XPNPEP1: variants seen among roughly 807,000 people sequenced by gnomAD.
The protein encoded by XPNPEP1 is xaa-Pro aminopeptidase 1.
A neutral mutation model predicts 92.4 loss-of-function variants in XPNPEP1; 39 were observed. The ratio of observed to expected loss-of-function variants is 0.42; its 90% CI spans 0.33 to 0.55. The LOEUF is 0.55. Among genes scored for constraint, XPNPEP1 ranks in the 20% least tolerant of loss-of-function variants. The probability of loss-of-function intolerance (pLI) is 0.08; values close to 1 mark genes in which losing one functional copy is unlikely to be tolerated. For synonymous variants in XPNPEP1, 307 were observed against 299.4 expected, an observed-to-expected ratio of 1.03 and a Z score of -0.26; for missense variants, 654 against 856.1, an observed-to-expected ratio of 0.76 and a Z score of 2.95.
Position 109,865,235 on chromosome 10 carries a change from T to G in XPNPEP1, c.1950A>C (p.Glu650Asp), listed in dbSNP as rs773834553. 2.0e-5 allele frequency: 33 copies of G among 1,614,094 alleles called. No homozygotes were observed. The highest frequency in any genetic ancestry group is 2.7e-5 in the Non-Finnish European group (32 of 1,180,038). ...TCTCTCTGATGAGCCACTCGAGAGC[T>G]TCCTGGCGGCCCTGTTTCTGCAATT... ...GKELQKQGRQEALEWLIRETQ... is the reference protein window; with the variant it reads ...GKELQKQGRQDALEWLIRETQ... Residue 650 changes from glutamate (E) to aspartate (D), a missense_variant, in exon 21 of 21, where the codon GAA (glutamate) becomes GAC (aspartate). Glu to Asp is a conservative substitution (Grantham distance 45, BLOSUM62 2). Transcript: ENST00000502935.
At chr10:109,889,617 TTAATC>T (rs1340385698) in intron 5 of XPNPEP1, among the ~76,000 whole-genome samples, 1 of 152,264 alleles carries the variant, frequency 6.6e-6, no homozygotes, top group Non-Finnish European at 1.5e-5. Flanking sequence ...CAGTTTTCCT[TTAATC>T]TAAGCCAACA....
At chr10:109,880,986 C>A in intron 10 of XPNPEP1, 55 bp from the exon 11 acceptor site, 1 of 1,532,612 alleles carries the variant, frequency 6.5e-7, no homozygotes, top group Non-Finnish European at 9.0e-7. Flanking sequence ...CCACCCAAGA[C>A]CAAGGCAACA....
intron 15 of XPNPEP1, among the ~76,000 whole-genome samples, chr10:109,875,290 T>G (rs1054896894): frequency 6.6e-6 from 1 of 152,230 alleles, no homozygotes; most frequent in Non-Finnish European, 1.5e-5. Context: ...CTTATATTTT[T>G]AAAACTTCCA....
At chr10:109,908,827 T>C (rs1487079514) in intron 2 of XPNPEP1, among the ~76,000 whole-genome samples, 1 of 152,228 alleles carries the variant, frequency 6.6e-6, no homozygotes, top group Non-Finnish European at 1.5e-5. Flanking sequence ...TTATAAACCT[T>C]TTGTTAAATA....
rs12260979 is a variant in XPNPEP1 at position 109,877,984 on chromosome 10, C to A, written c.1241+16G>T. On this transcript the variant is annotated intron_variant, in intron 13 of 20. Coordinates refer to ENST00000502935, the MANE Select transcript of XPNPEP1 (RefSeq NM_020383.4). ...ATCAGCACGAGGCTCCTGGGTCCCC[C>A]CAAATGGATCCTTACCTGCGAAACT... 1.2e-6 allele frequency: 2 copies of A among 1,614,184 alleles called. No homozygotes were observed. The highest frequency in any genetic ancestry group is 1.7e-5 in the Admixed American group (1 of 60,032).
In XPNPEP1 at chr10:109,868,630, G is replaced by T; in HGVS notation, c.1856C>A (p.Ser619Tyr). 1 of 1,613,790 alleles carries T rather than the reference G, an allele frequency of 6.2e-7. No homozygotes were observed. Among genetic ancestry groups the T allele is most frequent in the East Asian group, 2.2e-5 (1 of 44,870 alleles). The change falls in exon 20 of 21, where the codon TCT becomes TAT. Residue 619 changes from serine to tyrosine, a missense_variant. Physicochemically the swap from Ser to Tyr is moderately radical, Grantham distance 144. Transcript: ENST00000502935. The part of the protein sequence containing the change: ...PIQTKMIDVD[S>Y]LTDKECDWLN... ...CCCCATTACCTCTTTGTCTGTAAGA[G>T]AATCCACATCTATCATTTTGGTCTG...
chr10:109,909,067 G>C (rs1407379530), intron 2 of XPNPEP1, among the ~76,000 whole-genome samples: 1 of 151,880 alleles, frequency 6.6e-6, no homozygotes, highest in Non-Finnish European at 1.5e-5. Context: ...TCAGGAGATC[G>C]AGACCATCCT....
chr10:109,919,784 A>G (rs1850428790), intron 1 of XPNPEP1, among the ~76,000 whole-genome samples: 1 of 152,252 alleles, frequency 6.6e-6, no homozygotes, highest in South Asian at 2.1e-4. Flanking sequence ...CTGTAATCCC[A>G]GCACTTTGGG....
chr10:109,870,052 A>C (rs1350529548), intron 18 of XPNPEP1, 23 bp from the exon 19 acceptor site: 1 of 1,613,048 alleles, frequency 6.2e-7, no homozygotes, highest in South Asian at 1.1e-5. Context: ...AAATCCCAAA[A>C]ATGAGAAGCA....
chr10:109,890,593 T>A (rs11194901), intron 5 of XPNPEP1, among the ~76,000 whole-genome samples: 70 of 104,114 alleles, frequency 6.7e-4, no homozygotes, highest in African/African-American at 2.6e-3. Context: ...TGTGTGTGTG[T>A]GAGAGAGAGA....
At chr10:109,871,944 C>T in intron 16 of XPNPEP1, 83 bp from the exon 17 acceptor site, 1 of 1,376,212 alleles carries the variant, frequency 7.3e-7, no homozygotes, top group Non-Finnish European at 1.0e-6. Flanking sequence ...GAAAATCCTG[C>T]CTGCTAAAGT....
At chr10:109,901,483 C>T (rs918895766) in intron 3 of XPNPEP1, among the ~76,000 whole-genome samples, 2 of 152,158 alleles carry the variant, frequency 1.3e-5, no homozygotes, top group African/African-American at 4.8e-5. Context: ...TACCTGTTCA[C>T]GTTCCAATTT....
intron 3 of XPNPEP1, among the ~76,000 whole-genome samples, chr10:109,898,844 T>C (rs991953487): frequency 6.6e-6 from 1 of 152,218 alleles, no homozygotes; most frequent in Non-Finnish European, 1.5e-5. Flanking sequence ...GCTGGTCACA[T>C]GCCGATGGAA....
intron 15 of XPNPEP1, among the ~76,000 whole-genome samples, chr10:109,874,351 TCTC>T (rs1847655376): frequency 6.6e-6 from 1 of 152,024 alleles, no homozygotes; most frequent in Non-Finnish European, 1.5e-5. Flanking sequence ...AAACCCAACT[TCTC>T]CTGTTAGAAC....
At chr10:109,889,108 C>T (rs1223547827) in intron 5 of XPNPEP1, among the ~76,000 whole-genome samples, 1 of 152,246 alleles carries the variant, frequency 6.6e-6, no homozygotes, top group Non-Finnish European at 1.5e-5. Flanking sequence ...CCATAACCAG[C>T]CTCTGAATAG....
At chr10:109,870,162 G>C (rs1018007879) in intron 18 of XPNPEP1, 133 bp from the exon 19 acceptor site, 2 of 979,790 alleles carry the variant, frequency 2.0e-6, no homozygotes, top group Non-Finnish European at 3.0e-6. Flanking sequence ...TCTATCTGGT[G>C]TAAGAGCCTA....
chr10:109,882,407 G>C (rs1403535763), intron 10 of XPNPEP1, 25 bp downstream of exon 10: 1 of 1,602,582 alleles, frequency 6.2e-7, no homozygotes, highest in South Asian at 1.1e-5. Flanking sequence ...GCAGAGTTTA[G>C]ATGGGCCAAA....
At chr10:109,904,432 ACATATAAAGGTATTC>A (rs1347981438) in intron 3 of XPNPEP1, among the ~76,000 whole-genome samples, 1 of 152,050 alleles carries the variant, frequency 6.6e-6, no homozygotes. Flanking sequence ...TCACAGAACA[ACATATAAAGGTATTC>A]CATGAAACAC....
chr10:109,880,290 C>T, intron 11 of XPNPEP1, 52 bp from the exon 12 acceptor site: 1 of 1,589,408 alleles, frequency 6.3e-7, no homozygotes, highest in Non-Finnish European at 8.6e-7. Context: ...ATCACGTGAC[C>T]AGATTCAGAG....
Sources: gnomAD v4.1 joint callset for allele counts (sites outside exome capture counted in the v4.1 genomes callset) on GRCh38, gnomAD v4.1.1 for gene constraint, MANE v1.5 for transcripts, NCBI Gene and HGNC (gene_info 2026-07-23, HGNC 2026-07-21) for gene names.